Variants in FLI1 observed in about 807,000 individuals in gnomAD.
FLI1 encodes the protein Friend leukemia integration 1 transcription factor.
FLI1 carries 13 observed loss-of-function variants against 53.1 expected under a neutral mutation model. That is an observed-to-expected ratio of 0.24 (90% confidence interval 0.16 to 0.39). The LOEUF is 0.39. Among genes scored for constraint, FLI1 ranks in the 10% least tolerant of loss-of-function variants. FLI1 has a pLI of 1.00. For missense variants in FLI1, 424 were observed against 600.5 expected (o/e 0.71, Z 3.07); for synonymous variants, 244 against 236.7 (o/e 1.03, Z -0.28).
intron 1 of FLI1, among the ~76,000 whole-genome samples, chr11:128,735,568 A>G (rs1939881603): frequency 6.6e-6 from 1 of 152,256 alleles, no homozygotes; most frequent in African/African-American, 2.4e-5. Context: ...TAATTCCTTT[A>G]GAGATCAATT....
intron 3 of FLI1, among the ~76,000 whole-genome samples, chr11:128,770,602 A>G (rs1941515652): frequency 6.6e-6 from 1 of 152,220 alleles, no homozygotes; most frequent in Non-Finnish European, 1.5e-5. Context: ...TGTGCTGTAG[A>G]GGGAGAGTAA....
At chr11:128,755,136 G>A (rs1446802370) in intron 1 of FLI1, among the ~76,000 whole-genome samples, 2 of 152,158 alleles carry the variant, frequency 1.3e-5, no homozygotes, top group South Asian at 2.1e-4. Context: ...ACAATCCTGT[G>A]TTCCCTGTTG....
chr11:128,727,084 C>T (rs1274414407), intron 1 of FLI1, among the ~76,000 whole-genome samples: 1 of 152,090 alleles, frequency 6.6e-6, no homozygotes, highest in Non-Finnish European at 1.5e-5. Flanking sequence ...AGGGAGAATC[C>T]TCTTCTGTAT....
At chr11:128,743,150 G>A (rs1037306415) in intron 1 of FLI1, among the ~76,000 whole-genome samples, 1 of 152,082 alleles carries the variant, frequency 6.6e-6, no homozygotes, top group African/African-American at 2.4e-5. Flanking sequence ...CACTTTGGGA[G>A]GCCAAGGCAA....
At chr11:128,795,182 A>AC (rs1289059704) in intron 5 of FLI1, among the ~76,000 whole-genome samples, 1 of 152,236 alleles carries the variant, frequency 6.6e-6, no homozygotes, top group African/African-American at 2.4e-5. Flanking sequence ...TGGGACAATT[A>AC]CTTTATCTGT....
intron 1 of FLI1, among the ~76,000 whole-genome samples, chr11:128,713,835 G>A (rs1938894715): frequency 6.6e-6 from 1 of 152,266 alleles, no homozygotes; most frequent in Non-Finnish European, 1.5e-5. Flanking sequence ...TTTACTGGAT[G>A]AGTGAATGAA....
chr11:128,746,789 C>T (rs1175478633), intron 1 of FLI1, among the ~76,000 whole-genome samples: 1 of 152,130 alleles, frequency 6.6e-6, no homozygotes, highest in Admixed American at 6.5e-5. Context: ...TTATCATCAT[C>T]GGAAAGCATG....
At chr11:128,776,040 TG>T (rs1941717855) in intron 4 of FLI1, among the ~76,000 whole-genome samples, 1 of 152,260 alleles carries the variant, frequency 6.6e-6, no homozygotes, top group South Asian at 2.1e-4. Flanking sequence ...TAAGAAGCTT[TG>T]GCATCAAATT....
chr11:128,733,060 C>T (rs529087232), intron 1 of FLI1, among the ~76,000 whole-genome samples: 2 of 152,340 alleles, frequency 1.3e-5, no homozygotes, highest in East Asian at 3.9e-4. Flanking sequence ...AAACAAGTCT[C>T]TTTGCATCAG....
chr11:128,736,411 A>G (rs1039962896), intron 1 of FLI1, among the ~76,000 whole-genome samples: 1 of 152,208 alleles, frequency 6.6e-6, no homozygotes, highest in East Asian at 1.9e-4. Context: ...CAGATAAGAT[A>G]CACTCTTGTA....
chr11:128,737,207 G>A (rs1290792077), intron 1 of FLI1, among the ~76,000 whole-genome samples: 2 of 152,098 alleles, frequency 1.3e-5, no homozygotes, highest in African/African-American at 2.4e-5. Context: ...AGTAGGGGAG[G>A]CCAGGGTGCA....
chr11:128,777,386 A>G (rs1247619477), intron 4 of FLI1, among the ~76,000 whole-genome samples: 2 of 152,190 alleles, frequency 1.3e-5, no homozygotes, highest in African/African-American at 2.4e-5. Flanking sequence ...GTGGCTGCTC[A>G]AAAGAATGAA....
intron 5 of FLI1, among the ~76,000 whole-genome samples, chr11:128,799,705 C>A (rs754892628): frequency 2.1e-4 from 32 of 152,132 alleles, no homozygotes; most frequent in Non-Finnish European, 3.7e-4. Context: ...GCTGAGGGCG[C>A]GGACTCGAGC....
intron 1 of FLI1, among the ~76,000 whole-genome samples, chr11:128,749,692 C>T (rs1017090685): frequency 5.3e-5 from 8 of 152,176 alleles, no homozygotes; most frequent in Non-Finnish European, 1.0e-4. Flanking sequence ...TGAGAAAATG[C>T]GACTGTGCCT....
At chr11:128,741,709 G>T (rs1419846421) in intron 1 of FLI1, among the ~76,000 whole-genome samples, 3 of 152,244 alleles carry the variant, frequency 2.0e-5, no homozygotes, top group African/African-American at 7.2e-5. Context: ...CCAATGAAGT[G>T]TTAATGCCTT....
intron 2 of FLI1, among the ~76,000 whole-genome samples, chr11:128,760,520 CTTTTTT>C (rs1179242159): frequency 4.8e-5 from 5 of 103,566 alleles, no homozygotes; most frequent in Non-Finnish European, 5.9e-5. Flanking sequence ...GTGGAGATTC[CTTTTTT>C]TTTTTTTTTT....
chr11:128,688,423 G>A (rs1340655051), intron 1 of FLI1, among the ~76,000 whole-genome samples: 5 of 152,242 alleles, frequency 3.3e-5, no homozygotes, highest in African/African-American at 1.2e-4. Flanking sequence ...AAAGGTCTGC[G>A]TGGCAGGGAC....
intron 2 of FLI1, 110 bp downstream of exon 2, chr11:128,758,436 G>A (rs1940982911): frequency 1.2e-6 from 1 of 846,530 alleles, no homozygotes; most frequent in African/African-American, 1.7e-5. Context: ...CTCTAGAGCT[G>A]GGCCAGGAAG....
chr11:128,768,898 C>T (rs1392745774), intron 3 of FLI1, among the ~76,000 whole-genome samples: 1 of 152,140 alleles, frequency 6.6e-6, no homozygotes, highest in Non-Finnish European at 1.5e-5. Flanking sequence ...AAAGGAATCC[C>T]GTGAGCTCTG....
Sources: allele counts gnomAD v4.1 joint callset (sites outside exome capture counted in the v4.1 genomes callset), GRCh38; gene constraint gnomAD v4.1.1; transcripts MANE v1.5; gene names NCBI Gene and HGNC (gene_info 2026-07-23, HGNC 2026-07-21).